Variants in RNF216 observed in about 807,000 individuals in gnomAD.
The protein encoded by RNF216 is E3 ubiquitin-protein ligase RNF216.
In RNF216, 72 loss-of-function variants were observed where a neutral mutation model predicts 110.8. The ratio of observed to expected loss-of-function variants is 0.65; its 90% CI spans 0.54 to 0.79. The LOEUF is 0.79. Ranked by LOEUF, RNF216 falls within the 30% of genes least tolerant of loss-of-function variation. The pLI is 0.00. For missense variants in RNF216, 1,342 were observed against 1,141.2 expected (o/e 1.18, Z -2.54); for synonymous variants, 495 against 407.5 (o/e 1.21, Z -2.59).
chr7:5,667,058 C>T (rs902791374), intron 13 of RNF216, among the ~76,000 whole-genome samples: 4 of 152,142 alleles, frequency 2.6e-5, no homozygotes, highest in African/African-American at 9.7e-5. Flanking sequence ...GCACCCGCCT[C>T]GGCCTCCCAT....
chr7:5,622,005 C>G lies in RNF216; in HGVS notation c.*855G>C, dbSNP rs852437. On this transcript the variant is annotated 3_prime_UTR_variant, in exon 17 of 17. Coordinates refer to ENST00000389902, the MANE Select transcript of RNF216 (RefSeq NM_207111.4). Reference sequence around the variant, plus strand: ...TCTCCCTAAGGAGGCCCACTCCTCCCCCAGAAAGCCAGGGGGGAAAAGCTG... The same window carrying G: ...TCTCCCTAAGGAGGCCCACTCCTCCGCCAGAAAGCCAGGGGGGAAAAGCTG... 6.6e-6 allele frequency: 1 copy of G among 152,242 alleles called. No individual in the cohort carries two copies. The highest frequency in any genetic ancestry group is 6.5e-5 in the Admixed American group (1 of 15,270). 9.4% of individuals were successfully genotyped at this position (152,242 alleles called of 1,614,324 possible).
chr7:5,778,446 ATACTT>A (rs1018955706), intron 1 of RNF216, among the ~76,000 whole-genome samples: 4 of 152,198 alleles, frequency 2.6e-5, no homozygotes, highest in African/African-American at 9.7e-5. Flanking sequence ...ACTTCCAACA[ATACTT>A]TAATATACTT....
At chr7:5,707,803 A>C (rs531443158) in intron 13 of RNF216, among the ~76,000 whole-genome samples, 73 of 145,464 alleles carry the variant, frequency 5.0e-4, no homozygotes, top group Non-Finnish European at 8.6e-4. Flanking sequence ...TGCTCACCGC[A>C]ACCTCCACCT....
At chr7:5,727,071 C>T (rs965730724) in intron 7 of RNF216, among the ~76,000 whole-genome samples, 1 of 152,088 alleles carries the variant, frequency 6.6e-6, no homozygotes, top group Admixed American at 6.5e-5. Context: ...TGTGGCTACG[C>T]TGTTAGGGTG....
At chr7:5,674,507 A>G (rs1348071356) in intron 13 of RNF216, among the ~76,000 whole-genome samples, 2 of 150,996 alleles carry the variant, frequency 1.3e-5, no homozygotes, top group Non-Finnish European at 2.9e-5. Context: ...ACACACCTGT[A>G]GTCCCAGCTA....
At chr7:5,747,613 C>G (rs1022285002) in intron 3 of RNF216, among the ~76,000 whole-genome samples, 1 of 151,652 alleles carries the variant, frequency 6.6e-6, no homozygotes, top group East Asian at 1.9e-4. Flanking sequence ...AGGTCATGCA[C>G]GGTGGCACAC....
At chr7:5,717,348 C>T (rs994046857) in intron 9 of RNF216, among the ~76,000 whole-genome samples, 2 of 152,090 alleles carry the variant, frequency 1.3e-5, no homozygotes, top group East Asian at 1.9e-4. Context: ...AGTGAAACTC[C>T]ATCTCAAAAA....
At chr7:5,682,963 A>T (rs1790753843) in intron 13 of RNF216, among the ~76,000 whole-genome samples, 1 of 152,254 alleles carries the variant, frequency 6.6e-6, no homozygotes, top group Non-Finnish European at 1.5e-5. Flanking sequence ...GAGCAAGCAT[A>T]GGTAAACCAA....
At position 5,700,729 on chromosome 7, in the gene RNF216, TAAC is replaced by T. The variant is rs1157657034; in HGVS notation, c.2061+11029_2061+11031del. ...AGTGTGTTTTAGTAGAGACCAAAAA[TAAC>T]AACAACAAAGAGACAAGTAGGTGTG... On this transcript the variant is annotated intron_variant, in intron 13 of 16. Transcript: ENST00000389902. Among the ~76,000 whole-genome samples, 13 of 152,176 alleles carry T rather than the reference TAAC, an allele frequency of 8.5e-5. 1 individual carries two copies. In the South Asian group the frequency reaches 1.7e-3, roughly 19 times the overall value.
At chr7:5,625,178 A>C (rs1786630688) in intron 15 of RNF216, among the ~76,000 whole-genome samples, 1 of 152,252 alleles carries the variant, frequency 6.6e-6, no homozygotes, top group South Asian at 2.1e-4. Flanking sequence ...AAACACGCCA[A>C]CTGCCGGCTC....
At chr7:5,745,855 C>T (rs968582153) in intron 3 of RNF216, among the ~76,000 whole-genome samples, 3 of 145,278 alleles carry the variant, frequency 2.1e-5, no homozygotes, top group Admixed American at 1.4e-4. Flanking sequence ...GAGATCAGGC[C>T]ACTGCACTCC....
At chr7:5,651,176 T>C (rs1465621108) in intron 14 of RNF216, among the ~76,000 whole-genome samples, 2 of 152,100 alleles carry the variant, frequency 1.3e-5, no homozygotes, top group Non-Finnish European at 2.9e-5. Flanking sequence ...GTTACAATCA[T>C]GCAGAAGAGA....
chr7:5,707,196 C>T (rs1297933434), intron 13 of RNF216, among the ~76,000 whole-genome samples: 1 of 152,212 alleles, frequency 6.6e-6, no homozygotes, highest in South Asian at 2.1e-4. Context: ...AAGTGTGAGG[C>T]TTCCAGCTTT....
chr7:5,631,739 A>G (rs1220239350), intron 15 of RNF216, among the ~76,000 whole-genome samples: 1 of 152,234 alleles, frequency 6.6e-6, no homozygotes, highest in African/African-American at 2.4e-5. Context: ...ACATTGAACA[A>G]AACAACACAG....
intron 3 of RNF216, among the ~76,000 whole-genome samples, chr7:5,744,480 G>A (rs1160603278): frequency 6.6e-6 from 1 of 150,882 alleles, no homozygotes; most frequent in Non-Finnish European, 1.5e-5. Flanking sequence ...GGAAGGAGGG[G>A]GACACATAAT....
intron 12 of RNF216, 75 bp from the exon 13 acceptor site, chr7:5,711,914 TC>T: frequency 7.6e-7 from 1 of 1,323,484 alleles, no homozygotes; most frequent in Non-Finnish European, 1.1e-6. Flanking sequence ...ATGTGGCTGT[TC>T]ATATGAAGAT....
chr7:5,643,732 T>C (rs757849262), intron 14 of RNF216, among the ~76,000 whole-genome samples: 13 of 152,204 alleles, frequency 8.5e-5, no homozygotes, highest in Non-Finnish European at 1.5e-4. Context: ...AATTCAGGGA[T>C]ATTTTGAGTA....
At chr7:5,769,398 G>A (rs566413435) in intron 1 of RNF216, among the ~76,000 whole-genome samples, 30 of 152,070 alleles carry the variant, frequency 2.0e-4, no homozygotes, top group Admixed American at 7.2e-4. Flanking sequence ...TTACAGGCGT[G>A]AGCCACCGCG....
chr7:5,622,916 G>T lies in RNF216; in HGVS notation c.2716C>A (p.Pro906Thr). The change falls in exon 17 of 17, where the codon CCC (proline) becomes ACC (threonine). Residue 906 changes from proline (P) to threonine (T), a missense_variant. Physicochemically the swap from Pro to Thr is conservative, Grantham distance 38. Coordinates refer to ENST00000389902, the MANE Select transcript of RNF216 (RefSeq NM_207111.4). The part of the protein sequence containing the change: ...VNYDFGPIHM[P>T]LEHNLPMHFG... ...TGCATGGGCAGGTTGTGCTCCAGGG[G>T]CATGTGGATGGGACCGAAGTCATAG... The T allele has an allele frequency of 6.2e-7, 1 of 1,613,212 alleles. No homozygotes were observed. The highest frequency in any genetic ancestry group is 1.1e-5 in the South Asian group (1 of 91,038).
Sources: gnomAD v4.1 joint callset for allele counts (sites outside exome capture counted in the v4.1 genomes callset) on GRCh38, gnomAD v4.1.1 for gene constraint, MANE v1.5 for transcripts, NCBI Gene and HGNC (gene_info 2026-07-23, HGNC 2026-07-21) for gene names.